Variants in CELF2 observed in about 807,000 individuals in gnomAD.
The protein encoded by CELF2 is CUG triplet repeat RNA-binding protein 2.
In CELF2, 8 loss-of-function variants were observed where a neutral mutation model predicts 62.6. The ratio of observed to expected loss-of-function variants is 0.13; its 90% CI spans 0.07 to 0.23. The LOEUF is 0.23. CELF2 is among the 10% of genes least tolerant of loss of function. The pLI is 1.00. For synonymous variants in CELF2, 258 were observed against 250.0 expected (o/e 1.03, Z -0.30); for missense variants, 333 against 671.0 (o/e 0.50, Z 5.56).
the CELF2 span, among the ~76,000 whole-genome samples, chr10:10,593,966 C>G: frequency 0.24 from 36,757 of 151,990 alleles, 4,961 homozygotes; most frequent in South Asian, 0.51. Context: ...TAGTATAAAG[C>G]TTGTGATGAG....
intron 1 of CELF2, among the ~76,000 whole-genome samples, chr10:11,153,634 G>A (rs903353998): frequency 6.6e-6 from 1 of 152,244 alleles, no homozygotes; most frequent in African/African-American, 2.4e-5. Context: ...GTTTCTAATG[G>A]AGATGCTAAT....
chr10:10,528,920 A>G, the CELF2 span, among the ~76,000 whole-genome samples: 1 of 152,212 alleles, frequency 6.6e-6, no homozygotes, highest in Non-Finnish European at 1.5e-5. Context: ...CAAGAATGGT[A>G]ATTGAATGAA....
chr10:10,751,565 G>C, the CELF2 span, among the ~76,000 whole-genome samples: 1 of 152,144 alleles, frequency 6.6e-6, no homozygotes, highest in Admixed American at 6.5e-5. Context: ...CCTTTAAGTA[G>C]AACTTCATGC....
the CELF2 span, among the ~76,000 whole-genome samples, chr10:10,542,111 T>C: frequency 6.6e-6 from 1 of 152,210 alleles, no homozygotes; most frequent in East Asian, 1.9e-4. Context: ...ATGGGCTTCA[T>C]TGTGAAAAAG....
At position 10,957,963 on chromosome 10, in the gene CELF2, C is replaced by T. The variant is rs778584019; in HGVS notation, c.89+37964C>T. On this transcript the variant is annotated intron_variant, in intron 2 of 13. Transcript: ENST00000636488. This position sits in a 1 kb window ranked among gnomAD's most constrained non-coding sequence, Gnocchi z 4.1. ...TATGTGTTTCAGAGGAGCGCTATGACTTAAGGAATGTATATGAAATCTTCA... is the reference window on the plus strand; with the variant it reads ...TATGTGTTTCAGAGGAGCGCTATGATTTAAGGAATGTATATGAAATCTTCA... Among the ~76,000 whole-genome samples, 3 of 152,106 alleles carry T rather than the reference C, an allele frequency of 2.0e-5. No individual in the cohort carries two copies. The highest frequency in any genetic ancestry group is 4.4e-5 in the Non-Finnish European group (3 of 68,022).
At chr10:10,937,075 T>A (rs1456463694) in intron 2 of CELF2, among the ~76,000 whole-genome samples, 1 of 152,004 alleles carries the variant, frequency 6.6e-6, no homozygotes, top group Non-Finnish European at 1.5e-5. Context: ...ATGAATGTAA[T>A]GCTTTTATTT....
In CELF2 at chr10:11,008,188, G is replaced by A. The variant is rs1292023640; in HGVS notation, c.53+2748G>A. Among the ~76,000 whole-genome samples, 3 of 152,166 alleles carry A rather than the reference G, an allele frequency of 2.0e-5. No homozygotes were observed. Among genetic ancestry groups the A allele is most frequent in the Non-Finnish European group, 2.9e-5 (2 of 68,026 alleles). On this transcript the variant is annotated intron_variant, in intron 1 of 12. Coordinates refer to the CELF2 transcript ENST00000416382. This position sits in a 1 kb window ranked among gnomAD's most constrained non-coding sequence, Gnocchi z 4.5. ...CCTCAAGGTAGTGACTTTAACAAAT[G>A]TTGGAGGAAAGTTTAATTCTAAGCC...
the CELF2 span, among the ~76,000 whole-genome samples, chr10:10,696,589 C>T: frequency 6.6e-6 from 1 of 151,950 alleles, no homozygotes; most frequent in Non-Finnish European, 1.5e-5. Context: ...ATGGCGGGCG[C>T]CCCTCCCCCA....
At chr10:10,596,271 AT>A in the CELF2 span, among the ~76,000 whole-genome samples, 9 of 146,034 alleles carry the variant, frequency 6.2e-5, no homozygotes, top group Admixed American at 1.4e-4. Flanking sequence ...AAAAAAAAAA[AT>A]AGCATAGCAA....
chr10:10,818,546 CTTTTTT>C (rs3028992), intron 1 of CELF2, among the ~76,000 whole-genome samples: 1 of 116,538 alleles, frequency 8.6e-6, no homozygotes. Flanking sequence ...TAAATATTTC[CTTTTTT>C]TTTTTTTTTT....
intron 1 of CELF2, among the ~76,000 whole-genome samples, chr10:10,838,294 G>C (rs1312078036): frequency 6.6e-6 from 1 of 152,188 alleles, no homozygotes; most frequent in Non-Finnish European, 1.5e-5. Flanking sequence ...TATATCGAGT[G>C]TACATGCTAT....
intron 1 of CELF2, among the ~76,000 whole-genome samples, chr10:10,890,591 T>G (rs1037067511): frequency 2.0e-5 from 3 of 152,240 alleles, no homozygotes; most frequent in African/African-American, 7.2e-5. Flanking sequence ...TTTGAAGCAC[T>G]AAGCACCTCT....
At chr10:10,514,056 C>T in the CELF2 span, among the ~76,000 whole-genome samples, 1 of 152,298 alleles carries the variant, frequency 6.6e-6, no homozygotes, top group Non-Finnish European at 1.5e-5. Flanking sequence ...ACCCTGGAGC[C>T]GTCCACTCTG....
At chr10:10,620,656 A>C in the CELF2 span, among the ~76,000 whole-genome samples, 8 of 152,014 alleles carry the variant, frequency 5.3e-5, no homozygotes, top group African/African-American at 1.9e-4. Flanking sequence ...TTATCCCAGC[A>C]CTTTGGGAGG....
the CELF2 span, among the ~76,000 whole-genome samples, chr10:10,501,825 GCAGA>G: frequency 6.6e-6 from 1 of 152,130 alleles, no homozygotes; most frequent in East Asian, 1.9e-4. Context: ...AGTGGTGAGA[GCAGA>G]CATTTTTGCA....
chr10:11,322,760 T>G (rs2095510051), intron 11 of CELF2, among the ~76,000 whole-genome samples: 1 of 152,240 alleles, frequency 6.6e-6, no homozygotes, highest in South Asian at 2.1e-4. Flanking sequence ...AACTTTCTCT[T>G]TGACTATTAT....
At position 11,177,658 on chromosome 10, in the gene CELF2, T is replaced by C. The variant is rs1275615497; in HGVS notation, c.271+11976T>C. 6.6e-6 allele frequency among the ~76,000 whole-genome samples: 1 copy of C among 152,128 alleles called. No homozygotes were observed. The highest frequency in any genetic ancestry group is 6.5e-5 in the Admixed American group (1 of 15,274). ...GCAAAGAAGGAAATAGGGGCCTTAG[T>C]TTTTAAATCCTCTGTAAGATAGTCA... On this transcript the variant is annotated intron_variant, in intron 2 of 12. Transcript: ENST00000633077. The surrounding 1 kb of genome is among the most constrained non-coding windows in gnomAD (Gnocchi z 4.8).
rs2091729802 is a variant in CELF2, at chr10:11,287,877, T to A, written c.842-541T>A. Reference sequence around the variant, plus strand: ...CTGCCATTCACTGTCAAGAAATAGATTAACAGGCTTAGAACCCATACCAGT... The same window carrying A: ...CTGCCATTCACTGTCAAGAAATAGAATAACAGGCTTAGAACCCATACCAGT... On this transcript the variant is annotated intron_variant, in intron 8 of 12. Coordinates refer to ENST00000633077, the MANE Select transcript of CELF2 (RefSeq NM_001326342.2). Among the ~76,000 whole-genome samples the A allele has an allele frequency of 1.3e-5, 2 of 152,240 alleles. 1 individual carries two copies. Among genetic ancestry groups the A allele is most frequent in the South Asian group, 4.1e-4 (2 of 4,834 alleles).
chr10:10,638,451 G>A, the CELF2 span, among the ~76,000 whole-genome samples: 1 of 152,174 alleles, frequency 6.6e-6, no homozygotes, highest in African/African-American at 2.4e-5. Flanking sequence ...GTGGAACTGT[G>A]AGCTAGTCCA....
Sources: allele counts gnomAD v4.1 joint callset (sites outside exome capture counted in the v4.1 genomes callset), GRCh38; gene constraint gnomAD v4.1.1; non-coding constraint Gnocchi (gnomAD v3.1); transcripts MANE v1.5; gene names NCBI Gene and HGNC (gene_info 2026-07-23, HGNC 2026-07-21).